ADGRG2: variants seen among roughly 807,000 people sequenced by gnomAD.
ADGRG2 encodes G protein-coupled receptor 64.
A neutral mutation model predicts 74.1 loss-of-function variants in ADGRG2; 26 were observed. That is an observed-to-expected ratio of 0.35 (90% confidence interval 0.26 to 0.49). ADGRG2 has a LOEUF of 0.49. ADGRG2 is among the 20% of genes least tolerant of loss of function. The pLI, the probability that ADGRG2 is intolerant of heterozygous loss-of-function variation, is 0.99. For synonymous variants in ADGRG2, 296 were observed against 295.2 expected, an observed-to-expected ratio of 1.00 and a Z score of -0.03; for missense variants, 619 against 763.1, an observed-to-expected ratio of 0.81 and a Z score of 2.22.
At chrX:19,062,329 G>C (rs1019397734) in intron 3 of ADGRG2, among the ~76,000 whole-genome samples, 5 of 111,952 alleles carry the variant, frequency 4.5e-5, no homozygotes, top group African/African-American at 1.6e-4. Context: ...GTTCCAAGTG[G>C]AGAGTGGGAC....
chrX:19,016,623 C>A (rs1216203179), intron 15 of ADGRG2, among the ~76,000 whole-genome samples: 1 of 108,178 alleles, frequency 9.2e-6, no homozygotes, highest in African/African-American at 3.3e-5. Context: ...TATACATGTG[C>A]CATGCTGGTG....
intron 1 of ADGRG2, among the ~76,000 whole-genome samples, chrX:19,109,709 G>A (rs1010109623): frequency 3.6e-5 from 4 of 111,458 alleles, no homozygotes; most frequent in African/African-American, 9.8e-5. Context: ...AAAAATCCAC[G>A]TGATCCTCCC....
intron 2 of ADGRG2, among the ~76,000 whole-genome samples, chrX:19,078,899 G>A (rs1769221702): frequency 9.1e-6 from 1 of 110,056 alleles, no homozygotes; most frequent in African/African-American, 3.3e-5. Context: ...AAAAAGGGGA[G>A]AAAAAGAGAG....
chrX:19,076,962 C>T (rs1219506173), intron 2 of ADGRG2, among the ~76,000 whole-genome samples: 1 of 111,325 alleles, frequency 9.0e-6, no homozygotes, highest in Non-Finnish European at 1.9e-5. Flanking sequence ...TTGGATTATA[C>T]TAGAGGAAGC....
At chrX:18,995,925 C>T in intron 27 of ADGRG2, 126 bp downstream of exon 27, 1 of 431,094 alleles carries the variant, frequency 2.3e-6, no homozygotes, top group Non-Finnish European at 4.2e-6. Flanking sequence ...TCAATATTTT[C>T]TGTTGAGCAA....
intron 1 of ADGRG2, among the ~76,000 whole-genome samples, chrX:19,112,987 C>CA (rs1491090029): frequency 1.2e-5 from 1 of 84,380 alleles, no homozygotes; most frequent in African/African-American, 6.9e-5. Flanking sequence ...AAAAAAAAAA[C>CA]CAAAAAAAAA....
chrX:19,073,331 G>T (rs1396179679), intron 2 of ADGRG2, among the ~76,000 whole-genome samples: 3 of 111,838 alleles, frequency 2.7e-5, no homozygotes, highest in African/African-American at 9.8e-5. Context: ...AGGTGCTAAG[G>T]ATGGCTAGGA....
Position 19,009,795 on chromosome X carries a change from G to A in ADGRG2, c.1266-13C>T, listed in dbSNP as rs1447018405. ...TACTTTCAGCAATCTGTAAAGAAAG[G>A]TTGGCAGTTTATTATTTATTTATTT... On this transcript the variant is annotated splice_polypyrimidine_tract_variant and intron_variant, in intron 17 of 28. Coordinates refer to ENST00000379869, the MANE Select transcript of ADGRG2 (RefSeq NM_001079858.3). The A allele has an allele frequency of 9.5e-6, 11 of 1,159,264 alleles. No individual in the cohort carries two copies. The highest frequency in any genetic ancestry group is 1.8e-5 in the African/African-American group (1 of 55,604).
chrX:19,021,113 G>A lies in ADGRG2; in HGVS notation c.634C>T (p.Arg212Ter). ...VIAALERVKIRPMEHCCCSVR... is the reference protein window; with the variant it reads ...VIAALERVKI ...ATAATAGACAACTTACCCATTGGTC[G>A]AATCTTTACTCTTTCCAAAGCAGCT... is the stretch of plus-strand genomic sequence containing the variant. The change falls in exon 14 of 29, where the codon CGA (arginine) becomes TGA (stop). Residue 212 changes from arginine to a stop codon, truncating the protein, a stop_gained. Coordinates refer to ENST00000379869, the MANE Select transcript of ADGRG2 (RefSeq NM_001079858.3). LOFTEE classifies it high-confidence loss of function. 9.7e-7 allele frequency: 1 copy of A among 1,030,965 alleles called. No individual in the cohort carries two copies. The highest frequency in any genetic ancestry group is 1.4e-6 in the Non-Finnish European group (1 of 732,488). 85.0% of individuals were successfully genotyped at this position (1,030,965 alleles called of 1,213,427 possible). A position where few individuals can be genotyped will look rare whatever the true frequency, so the allele number is the denominator to read the frequency against.
chrX:19,110,473 A>G (rs779107348), intron 1 of ADGRG2, among the ~76,000 whole-genome samples: 4 of 110,444 alleles, frequency 3.6e-5, no homozygotes, highest in Non-Finnish European at 7.6e-5. Context: ...CCTTGAGGCC[A>G]GGAGTTTGAG....
intron 2 of ADGRG2, among the ~76,000 whole-genome samples, chrX:19,069,995 C>T (rs1420348041): frequency 1.8e-5 from 2 of 111,942 alleles, no homozygotes; most frequent in East Asian, 2.8e-4. Context: ...CTCTGGGGCT[C>T]GGGGGTCGCG....
At chrX:19,056,959 C>T (rs1467921861) in intron 3 of ADGRG2, among the ~76,000 whole-genome samples, 1 of 111,254 alleles carries the variant, frequency 9.0e-6, no homozygotes. Flanking sequence ...GCTTGTATTT[C>T]CTTATCTGTA....
chrX:19,013,433 G>A (rs1165889127), intron 16 of ADGRG2, among the ~76,000 whole-genome samples: 1 of 111,794 alleles, frequency 8.9e-6, no homozygotes, highest in Non-Finnish European at 1.9e-5. Context: ...GAAAGATACC[G>A]ATACCTGGGA....
intron 28 of ADGRG2, among the ~76,000 whole-genome samples, chrX:18,993,836 T>C (rs973622097): frequency 8.9e-6 from 1 of 111,760 alleles, no homozygotes; most frequent in African/African-American, 3.3e-5. Context: ...ACAGGCAAAT[T>C]CTCCATGGAA....
At chrX:19,018,293 G>GT (rs749928491) in intron 15 of ADGRG2, among the ~76,000 whole-genome samples, 9 of 104,511 alleles carry the variant, frequency 8.6e-5, no homozygotes, top group East Asian at 2.9e-4. Context: ...TTGTTTGTTT[G>GT]TTTTTTTTTA....
At chrX:19,019,766 T>C in intron 14 of ADGRG2, 101 bp from the exon 15 acceptor site, 1 of 488,467 alleles carries the variant, frequency 2.0e-6, no homozygotes, top group Non-Finnish European at 3.7e-6. Context: ...CTACACTGCA[T>C]TTAAAAGAGC....
intron 15 of ADGRG2, among the ~76,000 whole-genome samples, chrX:19,018,615 A>G (rs953501155): frequency 9.0e-6 from 1 of 111,577 alleles, no homozygotes; most frequent in Non-Finnish European, 1.9e-5. Context: ...TTAACATCTA[A>G]CATCCAGAAT....
intron 3 of ADGRG2, among the ~76,000 whole-genome samples, chrX:19,058,839 T>G (rs1482682952): frequency 3.6e-5 from 4 of 112,579 alleles, no homozygotes; most frequent in African/African-American, 1.3e-4. Flanking sequence ...TTGTTATTTC[T>G]TGAACTAAGG....
chrX:19,037,388 G>A, intron 6 of ADGRG2, 79 bp downstream of exon 6: 1 of 715,274 alleles, frequency 1.4e-6, no homozygotes, highest in East Asian at 3.5e-5. Flanking sequence ...TTTAGAAATG[G>A]AAACCTTCAA....
Sources: allele counts gnomAD v4.1 joint callset (sites outside exome capture counted in the v4.1 genomes callset), GRCh38; gene constraint gnomAD v4.1.1; transcripts MANE v1.5; gene names NCBI Gene and HGNC (gene_info 2026-07-23, HGNC 2026-07-21).